PDE4D: variants seen among roughly 807,000 people sequenced by gnomAD.
The protein encoded by PDE4D is phosphodiesterase 4D.
A neutral mutation model predicts 87.4 loss-of-function variants in PDE4D; 24 were observed. That is an observed-to-expected ratio of 0.27 (90% CI 0.20 to 0.39). PDE4D has a LOEUF of 0.39. Among genes scored for constraint, PDE4D ranks in the 10% least tolerant of loss-of-function variants. The pLI, the probability that PDE4D is intolerant of heterozygous loss-of-function variation, is 1.00. For missense variants in PDE4D, 714 were observed against 1,041.0 expected (o/e 0.69, Z 4.32); for synonymous variants, 384 against 383.2 (o/e 1.00, Z -0.02).
At chr5:59,133,803 T>G (rs888903834) in intron 5 of PDE4D, among the ~76,000 whole-genome samples, 2 of 152,172 alleles carry the variant, frequency 1.3e-5, no homozygotes, top group Non-Finnish European at 2.9e-5. Context: ...ACACGTGAGA[T>G]GGACAAAGGC....
chr5:60,518,780 C>T (rs1750914619), intron 1 of PDE4D, among the ~76,000 whole-genome samples: 1 of 152,124 alleles, frequency 6.6e-6, no homozygotes, highest in Non-Finnish European at 1.5e-5. Context: ...CTCATCAGGA[C>T]ACTAATGCAC....
chr5:59,485,330 C>T (rs1477812412), intron 1 of PDE4D, among the ~76,000 whole-genome samples: 4 of 151,940 alleles, frequency 2.6e-5, no homozygotes, highest in South Asian at 2.1e-4. Flanking sequence ...TGTACGCCAC[C>T]GTTATTTATT....
At chr5:60,195,942 T>C (rs1382111276) in intron 1 of PDE4D, among the ~76,000 whole-genome samples, 1 of 151,788 alleles carries the variant, frequency 6.6e-6, no homozygotes, top group Non-Finnish European at 1.5e-5. Flanking sequence ...ATCTCCTTTG[T>C]GCATCTAGTC....
At chr5:60,438,177 A>G (rs16878081) in intron 1 of PDE4D, among the ~76,000 whole-genome samples, 3,949 of 152,268 alleles carry the variant, frequency 0.026, 175 homozygotes, top group African/African-American at 0.089. Context: ...CGGGAAAGCC[A>G]TTAACCAAAT....
At chr5:59,085,197 A>C (rs183513995) in intron 5 of PDE4D, among the ~76,000 whole-genome samples, 2 of 152,204 alleles carry the variant, frequency 1.3e-5, no homozygotes, top group Non-Finnish European at 2.9e-5. Flanking sequence ...AGTGTAGTAT[A>C]TTCATGTAAG....
chr5:60,012,596 A>C (rs200032977), intron 2 of PDE4D, among the ~76,000 whole-genome samples: 1 of 83,374 alleles, frequency 1.2e-5, no homozygotes, highest in Non-Finnish European at 3.0e-5. Flanking sequence ...TGCTATAACC[A>C]AAAAAAATGG....
intron 1 of PDE4D, among the ~76,000 whole-genome samples, chr5:60,354,838 C>T (rs16877923): frequency 0.015 from 2,246 of 152,118 alleles, 32 homozygotes; most frequent in African/African-American, 0.018. Flanking sequence ...GAAATTAATA[C>T]GCTTGATAAT....
chr5:59,544,611 T>C (rs1816941465), intron 1 of PDE4D, among the ~76,000 whole-genome samples: 1 of 152,224 alleles, frequency 6.6e-6, no homozygotes, highest in Admixed American at 6.5e-5. Context: ...AATAAATTCC[T>C]ACAATCACAT....
chr5:59,943,959 C>T (rs141438160), intron 3 of PDE4D, among the ~76,000 whole-genome samples: 8 of 152,280 alleles, frequency 5.3e-5, no homozygotes, highest in Admixed American at 1.3e-4. Context: ...TGAGGAAATG[C>T]AGGGAGGAAA....
intron 2 of PDE4D, among the ~76,000 whole-genome samples, chr5:59,993,372 G>C (rs1256120744): frequency 2.0e-5 from 3 of 152,144 alleles, no homozygotes. Context: ...CAAATAACTG[G>C]ATGTAATCTA....
chr5:59,089,753 G>C (rs1768357042), intron 5 of PDE4D, among the ~76,000 whole-genome samples: 2 of 152,186 alleles, frequency 1.3e-5, no homozygotes, highest in South Asian at 4.1e-4. Context: ...ATTTAAGGAT[G>C]TCATCTGAGT....
At chr5:59,816,043 C>A (rs1342477431) in intron 1 of PDE4D, among the ~76,000 whole-genome samples, 1 of 152,162 alleles carries the variant, frequency 6.6e-6, no homozygotes, top group Non-Finnish European at 1.5e-5. Flanking sequence ...TGAACCTATT[C>A]AAATAAAGAC....
chr5:59,223,523 C>T (rs115961728), intron 1 of PDE4D, among the ~76,000 whole-genome samples: 10 of 152,214 alleles, frequency 6.6e-5, no homozygotes, highest in Non-Finnish European at 1.5e-4. Context: ...GGGAGAGTAA[C>T]TGTAACTGGA....
chr5:60,018,640 G>A (rs1009049316), intron 2 of PDE4D, among the ~76,000 whole-genome samples: 2 of 152,110 alleles, frequency 1.3e-5, no homozygotes, highest in African/African-American at 4.8e-5. Context: ...AAGGGATGGA[G>A]GATAATTTAC....
At chr5:60,085,953 T>C (rs2174994) in intron 2 of PDE4D, among the ~76,000 whole-genome samples, 2,936 of 152,290 alleles carry the variant, frequency 0.019, 45 homozygotes, top group Non-Finnish European at 0.029. Flanking sequence ...ATTAACACAA[T>C]TGACTTTACA....
intron 1 of PDE4D, among the ~76,000 whole-genome samples, chr5:59,815,377 T>C (rs1768861788): frequency 6.6e-6 from 1 of 152,190 alleles, no homozygotes; most frequent in South Asian, 2.1e-4. Flanking sequence ...GCAGCAGGCC[T>C]GGTTGGTGAG....
At chr5:59,140,355 CAGTCA>C (rs1256501384) in intron 5 of PDE4D, among the ~76,000 whole-genome samples, 5 of 152,196 alleles carry the variant, frequency 3.3e-5, no homozygotes, top group African/African-American at 1.2e-4. Context: ...CTATAAATTT[CAGTCA>C]AGTCATGTCC....
chr5:59,606,344 A>G (rs902589211), intron 1 of PDE4D, among the ~76,000 whole-genome samples: 3 of 152,158 alleles, frequency 2.0e-5, no homozygotes, highest in Admixed American at 2.0e-4. Flanking sequence ...AAATGGCAGC[A>G]GGAGGAGAGT....
intron 6 of PDE4D, among the ~76,000 whole-genome samples, chr5:59,029,928 C>T (rs1380557169): frequency 6.7e-6 from 1 of 148,422 alleles, no homozygotes; most frequent in Non-Finnish European, 1.5e-5. Flanking sequence ...CAAGAACACA[C>T]AATGGAGAGA....
Sources: allele counts gnomAD v4.1 joint callset (sites outside exome capture counted in the v4.1 genomes callset), GRCh38; gene constraint gnomAD v4.1.1; transcripts MANE v1.5; gene names NCBI Gene and HGNC (gene_info 2026-07-23, HGNC 2026-07-21).